Variants in PADI2 observed in about 807,000 individuals in gnomAD.
PADI2 encodes the protein peptidyl arginine deiminase 2.
Under a neutral mutation model 81.1 loss-of-function variants are expected in PADI2, and 70 were observed. That is an observed-to-expected ratio of 0.86 (90% CI 0.71 to 1.05). The LOEUF is 1.05. PADI2 is among the 50% of genes least tolerant of loss of function. The probability of loss-of-function intolerance (pLI) is 0.00; values close to 1 mark genes in which losing one functional copy is unlikely to be tolerated. For missense variants in PADI2, 853 were observed against 889.9 expected (o/e 0.96, Z 0.53); for synonymous variants, 338 against 358.0 (o/e 0.94, Z 0.63).
chr1:17,074,515 A>C (rs1470046453), intron 13 of PADI2, among the ~76,000 whole-genome samples: 1 of 152,202 alleles, frequency 6.6e-6, no homozygotes, highest in Non-Finnish European at 1.5e-5. Context: ...AATTGTAGGC[A>C]TGAGCCACCA....
intron 11 of PADI2, among the ~76,000 whole-genome samples, chr1:17,077,022 C>T (rs974817005): frequency 2.0e-5 from 3 of 152,242 alleles, no homozygotes; most frequent in Admixed American, 6.5e-5. Context: ...TCCCTTCCCC[C>T]GGTTCTGTCT....
intron 1 of PADI2, among the ~76,000 whole-genome samples, chr1:17,110,080 G>A (rs550002511): frequency 3.3e-5 from 5 of 152,280 alleles, no homozygotes; most frequent in Admixed American, 1.3e-4. Context: ...GAGTGGCCCT[G>A]GGCAAAGCAA....
At chr1:17,077,235 C>T (rs2078310460) in intron 11 of PADI2, among the ~76,000 whole-genome samples, 1 of 152,292 alleles carries the variant, frequency 6.6e-6, no homozygotes, top group East Asian at 1.9e-4. Context: ...CCTGTTTTAT[C>T]TTCTCCATTG....
intron 3 of PADI2, 28 bp downstream of exon 3, chr1:17,102,959 C>T: frequency 1.3e-6 from 2 of 1,564,328 alleles, no homozygotes; most frequent in Non-Finnish European, 1.8e-6. Flanking sequence ...GTGATGAAGG[C>T]ACTGAGACGG....
chr1:17,115,231 T>C lies in PADI2; in HGVS notation c.92+4049A>G, dbSNP rs1931714539. On this transcript the variant is annotated intron_variant, in intron 1 of 15. Coordinates refer to ENST00000375486, the MANE Select transcript of PADI2 (RefSeq NM_007365.3). This position sits in a 1 kb window ranked among gnomAD's most constrained non-coding sequence, Gnocchi z 4.1. ...GCTGACATTTATCTTCTTTCTGTCT[T>C]CTACTGGGACAATGGCTGGTCAGCC... is the stretch of plus-strand genomic sequence containing the variant. Among the ~76,000 whole-genome samples the C allele has an allele frequency of 6.6e-6, 1 of 152,240 alleles. No individual in the cohort carries two copies. The highest frequency in any genetic ancestry group is 6.5e-5 in the Admixed American group (1 of 15,292).
chr1:17,069,718 C>T (rs2078251625), intron 15 of PADI2, among the ~76,000 whole-genome samples: 2 of 152,186 alleles, frequency 1.3e-5, no homozygotes, highest in Admixed American at 1.3e-4. Context: ...TATGTGTGCT[C>T]ATGTGTGTAT....
rs1180450819 is a variant in PADI2, at chr1:17,086,673, G to A, written c.682C>T (p.His228Tyr). Residue 228 changes from histidine to tyrosine, a missense_variant, in exon 7 of 16, where the codon CAC becomes TAC. Physicochemically the swap from His to Tyr is moderately conservative, Grantham distance 83. Coordinates refer to ENST00000375486, the MANE Select transcript of PADI2 (RefSeq NM_007365.3). ...ENPFFGQRYIHILGRRKLYHV... is the reference protein window; with the variant it reads ...ENPFFGQRYIYILGRRKLYHV... ...TAGAGCTTCCGCCGGCCCAGGATGT[G>A]GATATAGCGTTGGCCGAAGAACGGG... 6.2e-7 allele frequency: 1 copy of A among 1,614,034 alleles called. No individual in the cohort carries two copies. The highest frequency in any genetic ancestry group is 8.5e-7 in the Non-Finnish European group (1 of 1,180,028).
At chr1:17,107,626 A>G (rs573657354) in intron 1 of PADI2, among the ~76,000 whole-genome samples, 3 of 152,306 alleles carry the variant, frequency 2.0e-5, no homozygotes, top group African/African-American at 7.2e-5. Flanking sequence ...CCAGACAATC[A>G]GCACTGCGGT....
At position 17,086,603 on chromosome 1, in the gene PADI2, A is replaced by G; in HGVS notation, c.752T>C (p.Phe251Ser). 6.2e-7 allele frequency: 1 copy of G among 1,614,130 alleles called. No homozygotes were observed. Among genetic ancestry groups the G allele is most frequent in the African/African-American group, 1.3e-5 (1 of 75,062 alleles). The stretch of plus-strand genomic sequence containing the variant: ...GTCGGGGAAACAGAGGCCTTCCACG[A>G]AGAACAGCAGCTCCGCGGAGCCACC... The part of the protein sequence containing the change: ...YTGGSAELLF[F>S]VEGLCFPDEG... Residue 251 changes from phenylalanine to serine, a missense_variant, in exon 7 of 16, where the codon TTC (phenylalanine) becomes TCC (serine). By Grantham distance (155) the Phe-to-Ser change is radical. Coordinates refer to ENST00000375486, the MANE Select transcript of PADI2 (RefSeq NM_007365.3).
intron 11 of PADI2, among the ~76,000 whole-genome samples, chr1:17,078,167 A>G (rs1405528928): frequency 6.6e-6 from 1 of 151,686 alleles, no homozygotes; most frequent in Admixed American, 6.6e-5. Flanking sequence ...GCTGGAGTGC[A>G]ATGGCGCGAT....
At chr1:17,079,035 T>TG in intron 11 of PADI2, 1 of 386,368 alleles carries the variant, frequency 2.6e-6, no homozygotes, top group East Asian at 4.6e-5. Context: ...CCTTTCCACT[T>TG]GGGGAAAAGA....
At chr1:17,082,841 C>T (rs1046222226) in intron 9 of PADI2, 189 bp from the exon 10 acceptor site, 26 of 506,276 alleles carry the variant, frequency 5.1e-5, no homozygotes, top group Non-Finnish European at 8.3e-5. Context: ...AGTCTCTGCA[C>T]ATCACAGGCA....
chr1:17,109,084 G>C (rs1397384709), intron 1 of PADI2, among the ~76,000 whole-genome samples: 2 of 152,044 alleles, frequency 1.3e-5, no homozygotes, highest in Non-Finnish European at 1.5e-5. Flanking sequence ...GAGGAGGAAG[G>C]CTCTGGAAAG....
intron 1 of PADI2, among the ~76,000 whole-genome samples, chr1:17,117,770 G>A (rs1272141154): frequency 1.3e-5 from 2 of 152,242 alleles, no homozygotes; most frequent in South Asian, 4.1e-4. Flanking sequence ...AAACAGGTGG[G>A]TATGGTGACA....
At chr1:17,078,985 C>T (rs760814948) in intron 11 of PADI2, 13 of 221,824 alleles carry the variant, frequency 5.9e-5, no homozygotes, top group African/African-American at 6.9e-5. Context: ...TGAGAGCCAC[C>T]GTGCCCCACC....
rs776797825 is a variant in PADI2 at position 17,074,864 on chromosome 1, A to G, written c.1541T>C (p.Met514Thr). Residue 514 changes from methionine to threonine, a missense_variant, in exon 13 of 16, where the codon ATG (methionine) becomes ACG (threonine). Physicochemically the swap from Met to Thr is moderately conservative, Grantham distance 81. Transcript: ENST00000375486. ...GCCCTGTGGCCACTCACCTTTGAAC[A>G]TGATGGCCTCTCCATGGCCGTCCTT... is the stretch of plus-strand genomic sequence containing the variant. ...KQKDGHGEAI[M>T]FKGLGGMSSK... 1.9e-5 allele frequency: 30 copies of G among 1,609,194 alleles called. 1 individual carries two copies. The South Asian group carries it at 3.0e-4, about 16-fold the overall frequency.
intron 14 of PADI2, 135 bp from the exon 15 acceptor site, chr1:17,070,351 C>A (rs1450832373): frequency 5.0e-6 from 5 of 997,414 alleles, no homozygotes; most frequent in Non-Finnish European, 7.4e-6. Flanking sequence ...TCAGCGGGCG[C>A]CTCTGCAGCC....
intron 14 of PADI2, 119 bp from the exon 15 acceptor site, chr1:17,070,335 T>C: frequency 1.5e-6 from 2 of 1,320,584 alleles, no homozygotes; most frequent in East Asian, 2.4e-5. Context: ...GAGAGACTTC[T>C]AGCAGTCAGC....
intron 6 of PADI2, among the ~76,000 whole-genome samples, chr1:17,089,718 C>T (rs935906064): frequency 6.6e-6 from 1 of 152,222 alleles, no homozygotes; most frequent in Admixed American, 6.5e-5. Context: ...TTACCCCGTC[C>T]TCCATCCCTG....
Sources: gnomAD v4.1 joint callset for allele counts (sites outside exome capture counted in the v4.1 genomes callset) on GRCh38, gnomAD v4.1.1 for gene constraint, Gnocchi (gnomAD v3.1) non-coding constraint, MANE v1.5 for transcripts, NCBI Gene and HGNC (gene_info 2026-07-23, HGNC 2026-07-21) for gene names.